SLC8A1: variants seen among roughly 807,000 people sequenced by gnomAD.
SLC8A1 encodes solute carrier family 8 member A1, also known as sodium/calcium exchanger 1.
Under a neutral mutation model 68.3 loss-of-function variants are expected in SLC8A1, and 18 were observed. The observed-to-expected ratio is 0.26, with a 90% CI of 0.18 to 0.39. SLC8A1 has a LOEUF of 0.39. Among genes scored for constraint, SLC8A1 ranks in the 10% least tolerant of loss-of-function variants. The pLI, the probability that SLC8A1 is intolerant of heterozygous loss-of-function variation, is 1.00. For missense variants in SLC8A1, 985 were observed against 1,156.7 expected, an observed-to-expected ratio of 0.85 and a Z score of 2.15; for synonymous variants, 475 against 415.5, an observed-to-expected ratio of 1.14 and a Z score of -1.74.
At chr2:40,122,208 A>ACACACACACACACACGTGCGCGCGCGCG (rs1558434463) in intron 7 of SLC8A1, among the ~76,000 whole-genome samples, 7 of 145,066 alleles carry the variant, frequency 4.8e-5, no homozygotes, top group Non-Finnish European at 9.0e-5. Flanking sequence ...GCGCGCGCGC[A>ACACACACACACACACGTGCGCGCGCGCG]CACACACACA....
At chr2:40,341,922 G>A (rs76800018) in intron 2 of SLC8A1, among the ~76,000 whole-genome samples, 3,771 of 152,212 alleles carry the variant, frequency 0.025, 65 homozygotes, top group Non-Finnish European at 0.036. Flanking sequence ...CTATCTGCCT[G>A]GAGTGTGGAT....
intron 6 of SLC8A1, among the ~76,000 whole-genome samples, chr2:40,152,861 G>A (rs564845405): frequency 1.8e-4 from 27 of 152,130 alleles, no homozygotes; most frequent in Admixed American, 5.2e-4. Flanking sequence ...ACTCAGGAGG[G>A]TGACACTGGA....
intron 2 of SLC8A1, among the ~76,000 whole-genome samples, chr2:40,221,332 C>G (rs528338270): frequency 7.2e-5 from 11 of 152,180 alleles, no homozygotes; most frequent in African/African-American, 2.6e-4. Flanking sequence ...AATTCAACAC[C>G]CCTTCATGCT....
At chr2:40,468,504 A>G (rs752456124) in intron 1 of SLC8A1, among the ~76,000 whole-genome samples, 3 of 152,142 alleles carry the variant, frequency 2.0e-5, no homozygotes, top group African/African-American at 4.8e-5. Flanking sequence ...TTTTTAGATT[A>G]TTACAATTCT....
At chr2:40,183,331 C>A (rs1346017923) in intron 2 of SLC8A1, among the ~76,000 whole-genome samples, 2 of 152,094 alleles carry the variant, frequency 1.3e-5, no homozygotes, top group Non-Finnish European at 2.9e-5. Context: ...TTTATTGTTT[C>A]GTATTTACAT....
chr2:40,378,821 C>T (rs1340029485), intron 2 of SLC8A1, among the ~76,000 whole-genome samples: 1 of 152,026 alleles, frequency 6.6e-6, no homozygotes, highest in East Asian at 1.9e-4. Flanking sequence ...ATGGCCTTGC[C>T]CCTCATTTTG....
At chr2:40,308,075 T>C (rs1295662061) in intron 2 of SLC8A1, among the ~76,000 whole-genome samples, 2 of 152,152 alleles carry the variant, frequency 1.3e-5, no homozygotes, top group African/African-American at 2.4e-5. Context: ...GCAAGTTTTG[T>C]TTCTCAAGCC....
At chr2:40,239,488 G>C (rs2060910923) in intron 2 of SLC8A1, among the ~76,000 whole-genome samples, 1 of 152,154 alleles carries the variant, frequency 6.6e-6, no homozygotes, top group South Asian at 2.1e-4. Flanking sequence ...GGGAACCAAT[G>C]CCTAAAAAAG....
chr2:40,505,862 T>C lies in SLC8A1; in HGVS notation c.-25+6487A>G, dbSNP rs918990664. 2.0e-5 allele frequency among the ~76,000 whole-genome samples: 3 copies of C among 152,010 alleles called. No individual in the cohort carries two copies. The East Asian group carries it at 5.8e-4, about 29-fold the overall frequency. On this transcript the variant is annotated intron_variant, in intron 1 of 7. Transcript: ENST00000402441. ...TCACTTGTCCCAGATGTTAAAACCATAGGTCCATGTCAAATTAATTCCCTT... is the reference window on the plus strand; with the variant it reads ...TCACTTGTCCCAGATGTTAAAACCACAGGTCCATGTCAAATTAATTCCCTT...
chr2:40,484,225 G>C (rs2149915953), intron 1 of SLC8A1, among the ~76,000 whole-genome samples: 1 of 152,214 alleles, frequency 6.6e-6, no homozygotes, highest in South Asian at 2.1e-4. Flanking sequence ...CTTTTCCTTT[G>C]AGACTGTGTT....
Position 40,298,045 on chromosome 2 carries a change from A to AT in SLC8A1, c.1809-120191dup, listed in dbSNP as rs553344616. On this transcript the variant is annotated intron_variant, in intron 2 of 7. Coordinates refer to ENST00000406785, the Ensembl canonical transcript of SLC8A1. ...CAGGTGTGCACCACCACTCCTGGCA[A>AT]TTTTTTTTGTGATTTTAGTAGAGAC... Among the ~76,000 whole-genome samples, 20 of 151,746 alleles carry AT rather than the reference A, an allele frequency of 1.3e-4. No individual in the cohort carries two copies. The East Asian group carries it at 2.9e-3, about 22-fold the overall frequency.
At chr2:40,207,607 A>C (rs1558755019) in intron 2 of SLC8A1, among the ~76,000 whole-genome samples, 4 of 151,922 alleles carry the variant, frequency 2.6e-5, no homozygotes, top group African/African-American at 7.3e-5. Flanking sequence ...TATATTAAAC[A>C]AATCCACATT....
chr2:40,268,701 G>A (rs890969753), intron 2 of SLC8A1, among the ~76,000 whole-genome samples: 2 of 152,128 alleles, frequency 1.3e-5, no homozygotes, highest in Non-Finnish European at 2.9e-5. Flanking sequence ...TTATTCCATT[G>A]TATCAGCAAA....
At chr2:40,370,384 T>A (rs1413977973) in intron 2 of SLC8A1, among the ~76,000 whole-genome samples, 1 of 152,104 alleles carries the variant, frequency 6.6e-6, no homozygotes, top group African/African-American at 2.4e-5. Context: ...ACTTCTTATA[T>A]AGCAAAGGCT....
intron 2 of SLC8A1, among the ~76,000 whole-genome samples, chr2:40,399,946 C>A (rs190282041): frequency 1.3e-3 from 198 of 152,298 alleles, no homozygotes; most frequent in African/African-American, 3.4e-3. Context: ...AAAGATCGAC[C>A]CCTGACCTAA....
intron 2 of SLC8A1, among the ~76,000 whole-genome samples, chr2:40,245,947 T>C (rs752485414): frequency 2.0e-5 from 3 of 152,194 alleles, no homozygotes; most frequent in South Asian, 2.1e-4. Flanking sequence ...CAAGGTTACA[T>C]AGTTATAAGA....
At chr2:40,165,742 G>C (rs1291462141) in intron 4 of SLC8A1, among the ~76,000 whole-genome samples, 1 of 152,186 alleles carries the variant, frequency 6.6e-6, no homozygotes, top group Non-Finnish European at 1.5e-5. Flanking sequence ...TTACAGTCCA[G>C]GAGAGGACGG....
exon 8 of SLC8A1, chr2:40,097,707 G>A (rs1454152784): frequency 1.3e-5 from 2 of 151,926 alleles, no homozygotes; most frequent in African/African-American, 2.4e-5. Context: ...CTGGCTGAGA[G>A]CATTTCTGGT....
intron 4 of SLC8A1, among the ~76,000 whole-genome samples, chr2:40,172,002 G>A (rs1245955588): frequency 6.6e-6 from 1 of 152,156 alleles, no homozygotes; most frequent in African/African-American, 2.4e-5. Flanking sequence ...CATATATTCT[G>A]CTTCAAATTT....
Sources: gnomAD v4.1 joint callset for allele counts (sites outside exome capture counted in the v4.1 genomes callset) on GRCh38, gnomAD v4.1.1 for gene constraint, MANE v1.5 for transcripts, NCBI Gene and HGNC (gene_info 2026-07-23, HGNC 2026-07-21) for gene names.